CNBD1: variants seen among roughly 807,000 people sequenced by gnomAD.
CNBD1 encodes cyclic nucleotide binding domain containing 1, also known as cyclic nucleotide-binding domain-containing protein 1.
In CNBD1, 71 loss-of-function variants were observed where a neutral mutation model predicts 54.4. The observed-to-expected ratio is 1.30, with a 90% CI of 1.08 to 1.59. The LOEUF is 1.59. Ranked by LOEUF, CNBD1 falls within the 40% of genes most tolerant of loss-of-function variation. CNBD1 has a pLI of 0.00. For missense variants in CNBD1, 659 were observed against 518.0 expected (o/e 1.27, Z -2.64); for synonymous variants, 182 against 170.7 (o/e 1.07, Z -0.51).
chr8:87,279,630 C>G (rs921472097), intron 6 of CNBD1, among the ~76,000 whole-genome samples: 1 of 151,084 alleles, frequency 6.6e-6, no homozygotes, highest in African/African-American at 2.4e-5. Context: ...AAAGATATTT[C>G]ATAATGAGTA....
At chr8:87,373,463 T>C (rs1810861633) in intron 10 of CNBD1, among the ~76,000 whole-genome samples, 1 of 151,894 alleles carries the variant, frequency 6.6e-6, no homozygotes, top group Admixed American at 6.6e-5. Flanking sequence ...GACCAATAAT[T>C]AGTTAAGTTT....
chr8:87,040,707 A>G (rs916432683), intron 4 of CNBD1, among the ~76,000 whole-genome samples: 2 of 151,794 alleles, frequency 1.3e-5, no homozygotes, highest in Non-Finnish European at 1.5e-5. Context: ...GACAGGCGTG[A>G]GCCACTGCGT....
At chr8:87,370,749 A>G (rs36145616) in intron 10 of CNBD1, among the ~76,000 whole-genome samples, 54,368 of 146,312 alleles carry the variant, frequency 0.37, 10,325 homozygotes, top group Middle Eastern at 0.45. Flanking sequence ...CCATTTGTCA[A>G]TTTTGTCTTT....
At chr8:86,896,156 T>TA (rs1808845102) in intron 2 of CNBD1, among the ~76,000 whole-genome samples, 1 of 152,112 alleles carries the variant, frequency 6.6e-6, no homozygotes, top group African/African-American at 2.4e-5. Context: ...CCCCAAATAG[T>TA]AAAAACAATT....
chr8:86,983,592 G>T (rs6988544), intron 4 of CNBD1, among the ~76,000 whole-genome samples: 3,109 of 152,276 alleles, frequency 0.02, 97 homozygotes, highest in African/African-American at 0.069. Flanking sequence ...ATAAAGTCCA[G>T]ACTAAGGTGG....
At chr8:87,201,982 G>A (rs961178328) in intron 4 of CNBD1, among the ~76,000 whole-genome samples, 1 of 152,054 alleles carries the variant, frequency 6.6e-6, no homozygotes, top group Admixed American at 6.6e-5. Context: ...ATCCAACATA[G>A]TTTGTTTGAT....
intron 3 of CNBD1, among the ~76,000 whole-genome samples, chr8:86,933,495 A>G (rs1311824979): frequency 6.6e-6 from 1 of 152,230 alleles, no homozygotes; most frequent in East Asian, 1.9e-4. Flanking sequence ...CATAAGAATC[A>G]CTTCATTTCT....
chr8:87,305,763 A>G (rs770850294), intron 8 of CNBD1, among the ~76,000 whole-genome samples: 1 of 152,218 alleles, frequency 6.6e-6, no homozygotes, highest in South Asian at 2.1e-4. Context: ...CTCAAAATGG[A>G]TTAAAGACAT....
In CNBD1 at chr8:87,331,318, T is replaced by G. The variant is rs534669860; in HGVS notation, c.1043-20367T>G. 2.0e-5 allele frequency among the ~76,000 whole-genome samples: 3 copies of G among 152,282 alleles called. No individual in the cohort carries two copies. The East Asian group carries it at 5.8e-4, about 29-fold the overall frequency. ...ATGAGTGAGAACATGCAGTGTTTGG[T>G]TTTCTGTACTTGTGTGAGTTTGTTG... is the stretch of plus-strand genomic sequence containing the variant. On this transcript the variant is annotated intron_variant, in intron 8 of 10. Coordinates refer to ENST00000518476, the MANE Select transcript of CNBD1 (RefSeq NM_173538.3).
At chr8:87,080,601 C>T (rs1006987141) in intron 4 of CNBD1, among the ~76,000 whole-genome samples, 26 of 151,950 alleles carry the variant, frequency 1.7e-4, no homozygotes, top group African/African-American at 6.0e-4. Flanking sequence ...TTTGATTTCC[C>T]TTTTACTTTC....
At chr8:87,261,531 A>C (rs1249642279) in intron 6 of CNBD1, among the ~76,000 whole-genome samples, 24 of 72,230 alleles carry the variant, frequency 3.3e-4, no homozygotes, top group South Asian at 8.6e-4. Flanking sequence ...TTTATAGACA[A>C]AAAAAAAAAA....
At chr8:87,056,144 G>C (rs2130631181) in intron 4 of CNBD1, among the ~76,000 whole-genome samples, 1 of 152,220 alleles carries the variant, frequency 6.6e-6, no homozygotes, top group Admixed American at 6.5e-5. Context: ...ATATGTCATA[G>C]AATAGGTAGA....
At chr8:87,016,826 A>C (rs565566178) in intron 4 of CNBD1, among the ~76,000 whole-genome samples, 30 of 152,182 alleles carry the variant, frequency 2.0e-4, no homozygotes, top group Non-Finnish European at 4.4e-4. Flanking sequence ...GTTTGCCCTG[A>C]GAAGGGGATT....
At chr8:86,901,007 C>T (rs1243150870) in intron 2 of CNBD1, among the ~76,000 whole-genome samples, 1 of 152,018 alleles carries the variant, frequency 6.6e-6, no homozygotes, top group African/African-American at 2.4e-5. Flanking sequence ...GAGCTTTGTC[C>T]ATGAATAAGG....
chr8:87,015,918 T>A (rs969598299), intron 4 of CNBD1, among the ~76,000 whole-genome samples: 4 of 140,406 alleles, frequency 2.8e-5, no homozygotes. Flanking sequence ...GAGGCAGAGG[T>A]TGCAGCAAGC....
downstream of CNBD1, among the ~76,000 whole-genome samples, chr8:87,384,100 A>G (rs2130962477): frequency 6.6e-6 from 1 of 152,200 alleles, no homozygotes; most frequent in East Asian, 1.9e-4. Flanking sequence ...TTTATAGTGA[A>G]CATACTGATT....
intron 4 of CNBD1, among the ~76,000 whole-genome samples, chr8:87,111,114 G>A (rs1285949247): frequency 6.6e-6 from 1 of 152,148 alleles, no homozygotes; most frequent in Non-Finnish European, 1.5e-5. Flanking sequence ...ATTAACCCTA[G>A]GATGTTATAT....
chr8:87,144,151 C>T (rs1812433542), intron 4 of CNBD1, among the ~76,000 whole-genome samples: 1 of 152,144 alleles, frequency 6.6e-6, no homozygotes, highest in Admixed American at 6.5e-5. Context: ...ATTTGAAATT[C>T]CTACGTTAAG....
chr8:87,380,588 A>T (rs1019829211), intron 10 of CNBD1, among the ~76,000 whole-genome samples: 1 of 151,972 alleles, frequency 6.6e-6, no homozygotes, highest in Non-Finnish European at 1.5e-5. Flanking sequence ...AGTTTTATTG[A>T]ATCTGTAGGT....
Sources: gnomAD v4.1 joint callset for allele counts (sites outside exome capture counted in the v4.1 genomes callset) on GRCh38, gnomAD v4.1.1 for gene constraint, MANE v1.5 for transcripts, NCBI Gene and HGNC (gene_info 2026-07-23, HGNC 2026-07-21) for gene names.